PABPC1L: variants seen among roughly 807,000 people sequenced by gnomAD.
The protein encoded by PABPC1L is poly(A) binding protein cytoplasmic 1 like.
Under a neutral mutation model 66.6 loss-of-function variants are expected in PABPC1L, and 31 were observed. That is an observed-to-expected ratio of 0.47 (90% CI 0.35 to 0.63). The LOEUF (loss-of-function observed/expected upper bound fraction) is 0.63, where lower values mean the gene tolerates loss of function less well. Ranked by LOEUF, PABPC1L falls within the 20% of genes least tolerant of loss-of-function variation. PABPC1L has a pLI of 0.00. For missense variants in PABPC1L, 722 were observed against 848.8 expected, an observed-to-expected ratio of 0.85 and a Z score of 1.86; for synonymous variants, 348 against 335.1, an observed-to-expected ratio of 1.04 and a Z score of -0.42.
intron 5 of PABPC1L, among the ~76,000 whole-genome samples, chr20:44,921,065 G>C (rs923596132): frequency 3.3e-5 from 5 of 151,962 alleles, no homozygotes; most frequent in Non-Finnish European, 7.4e-5. Flanking sequence ...CAACCGCCTT[G>C]GCCTCCCAAA....
At chr20:44,917,069 GATCTGCATTAGA>G (rs1349277393) in intron 3 of PABPC1L, among the ~76,000 whole-genome samples, 198 bp downstream of exon 3, 1 of 152,222 alleles carries the variant, frequency 6.6e-6, no homozygotes, top group Non-Finnish European at 1.5e-5. Flanking sequence ...TGGAGCTGAT[GATCTGCATTAGA>G]GTATGGTAAA....
chr20:44,916,918 G>A (rs1446069923), intron 3 of PABPC1L, 47 bp downstream of exon 3: 1 of 1,557,778 alleles, frequency 6.4e-7, no homozygotes, highest in Non-Finnish European at 8.8e-7. Context: ...AGGGACAGAA[G>A]CATGGCACCA....
intron 3 of PABPC1L, among the ~76,000 whole-genome samples, chr20:44,918,060 T>A (rs1014837923): frequency 6.6e-6 from 1 of 152,216 alleles, no homozygotes; most frequent in African/African-American, 2.4e-5. Flanking sequence ...GTGTGGTGGC[T>A]CACACCTGTA....
Position 44,939,270 on chromosome 20 carries a change from C to A in PABPC1L, c.*151C>A. Reference sequence around the variant, plus strand: ...TGTGAATGAAGGTTGGTCACCCATCCAGCCTATTACCTTTTGCTTTGTGTA... The same window carrying A: ...TGTGAATGAAGGTTGGTCACCCATCAAGCCTATTACCTTTTGCTTTGTGTA... On this transcript the variant is annotated 3_prime_UTR_variant, in exon 15 of 15. Coordinates refer to ENST00000217073, the MANE Select transcript of PABPC1L (RefSeq NM_001372179.1). The A allele has an allele frequency of 1.4e-6, 1 of 714,060 alleles. No individual in the cohort carries two copies. Among genetic ancestry groups the A allele is most frequent in the Non-Finnish European group, 2.6e-6 (1 of 383,316 alleles). 44.2% of individuals were successfully genotyped at this position (714,060 alleles called of 1,614,324 possible).
intron 11 of PABPC1L, among the ~76,000 whole-genome samples, chr20:44,936,402 A>G (rs2059015504): frequency 6.6e-6 from 1 of 152,182 alleles, no homozygotes; most frequent in Non-Finnish European, 1.5e-5. Context: ...AACGTTCATC[A>G]GGGACCTTTA....
Position 44,914,204 on chromosome 20 carries a change from C to CTTTTT in PABPC1L, c.387+1367_387+1371dup, listed in dbSNP as rs1201412446. Among the ~76,000 whole-genome samples the CTTTTT allele has an allele frequency of 2.6e-3, 298 of 114,304 alleles. 7 individuals carry two copies. Among genetic ancestry groups the CTTTTT allele is most frequent in the African/African-American group, 4.1e-3 (114 of 28,012 alleles). 75.0% of individuals were successfully genotyped at this position (114,304 alleles called of 152,430 possible). ...AGTTTTTGTAGCCTATGTGTCAGAA[C>CTTTTT]TTTTTTTTTTTTTTTTTTTTGAGAC... On this transcript the variant is annotated intron_variant, in intron 2 of 14. Coordinates refer to ENST00000217073, the MANE Select transcript of PABPC1L (RefSeq NM_001372179.1).
intron 9 of PABPC1L, 130 bp downstream of exon 9, chr20:44,932,562 A>G (rs1250289127): frequency 2.7e-6 from 2 of 737,086 alleles, no homozygotes; most frequent in South Asian, 2.0e-5. Context: ...TCTGAGCCTC[A>G]GTTTCCTCTT....
chr20:44,930,414 G>A, intron 7 of PABPC1L, 46 bp from the exon 8 acceptor site: 1 of 1,579,916 alleles, frequency 6.3e-7, no homozygotes, highest in East Asian at 2.2e-5. Context: ...AGCCCCAGGA[G>A]CCTTCCTTCC....
At chr20:44,912,480 T>A (rs1480196234) in intron 1 of PABPC1L, among the ~76,000 whole-genome samples, 180 bp from the exon 2 acceptor site, 3 of 152,192 alleles carry the variant, frequency 2.0e-5, no homozygotes, top group Non-Finnish European at 2.9e-5. Context: ...TCTCAGCTTA[T>A]CCTTCCTGAG....
intron 8 of PABPC1L, among the ~76,000 whole-genome samples, chr20:44,931,154 T>C (rs2066856449): frequency 7.3e-6 from 1 of 136,882 alleles, no homozygotes; most frequent in African/African-American, 2.7e-5. Flanking sequence ...GGCGTGATCA[T>C]GGCTCCTTCC....
chr20:44,937,640 C>A (rs756508820), intron 12 of PABPC1L, among the ~76,000 whole-genome samples: 20 of 152,184 alleles, frequency 1.3e-4, no homozygotes, highest in Non-Finnish European at 2.6e-4. Context: ...GTTTCAAACT[C>A]CTGATCTCAG....
At chr20:44,915,392 A>G (rs978446837) in intron 2 of PABPC1L, among the ~76,000 whole-genome samples, 1 of 152,148 alleles carries the variant, frequency 6.6e-6, no homozygotes, top group Non-Finnish European at 1.5e-5. Flanking sequence ...TGCGAGTTCA[A>G]CAAGAGGGAT....
intron 7 of PABPC1L, among the ~76,000 whole-genome samples, chr20:44,928,405 ATTTTCT>A (rs1348076097): frequency 2.6e-5 from 4 of 151,960 alleles, no homozygotes; most frequent in African/African-American, 9.7e-5. Context: ...ATATGAAAAT[ATTTTCT>A]TTTTCTTCAT....
At chr20:44,937,361 G>A (rs1320520628) in intron 12 of PABPC1L, among the ~76,000 whole-genome samples, 2 of 150,230 alleles carry the variant, frequency 1.3e-5, no homozygotes, top group Non-Finnish European at 3.0e-5. Flanking sequence ...CTGCCCCATT[G>A]TTTCCTCAGC....
chr20:44,928,888 A>AAAGAAAAG (rs1287346496), intron 7 of PABPC1L, among the ~76,000 whole-genome samples: 10 of 146,542 alleles, frequency 6.8e-5, no homozygotes, highest in African/African-American at 2.1e-4. Flanking sequence ...AAAAAAAAGA[A>AAAGAAAAG]AAAAAAAAAG....
intron 3 of PABPC1L, among the ~76,000 whole-genome samples, chr20:44,918,575 C>T (rs1021520335): frequency 6.6e-6 from 1 of 152,176 alleles, no homozygotes; most frequent in Admixed American, 6.5e-5. Flanking sequence ...AACTGCAGAG[C>T]GAGGATTCAA....
chr20:44,931,005 C>CTTCCTTCCTCCCTTCCT (rs1262016753), intron 8 of PABPC1L, among the ~76,000 whole-genome samples: 13 of 101,298 alleles, frequency 1.3e-4, no homozygotes, highest in Non-Finnish European at 1.8e-4. Context: ...TTTTTCCTTC[C>CTTCCTTCCTCCCTTCCT]TCCCTTCCTT....
At chr20:44,926,418 G>A (rs1410155609) in intron 7 of PABPC1L, among the ~76,000 whole-genome samples, 1 of 151,686 alleles carries the variant, frequency 6.6e-6, no homozygotes. Flanking sequence ...GTAGAGACGG[G>A]GTTTCACTGT....
chr20:44,935,317 T>G, intron 10 of PABPC1L, 74 bp from the exon 11 acceptor site: 1 of 1,047,230 alleles, frequency 9.5e-7, no homozygotes, highest in Non-Finnish European at 1.5e-6. Flanking sequence ...TTGGTGTTGT[T>G]TTGTTTTGTT....
Sources: gnomAD v4.1 joint callset for allele counts (sites outside exome capture counted in the v4.1 genomes callset) on GRCh38, gnomAD v4.1.1 for gene constraint, MANE v1.5 for transcripts, NCBI Gene and HGNC (gene_info 2026-07-23, HGNC 2026-07-21) for gene names.